The following CERS1 variants were observed in gnomAD, a reference collection of about 807,000 sequenced individuals.
The protein encoded by CERS1 is Embryonic growth/differentiation factor 1.
In CERS1, 16 loss-of-function variants were observed where a neutral mutation model predicts 35.7. The observed-to-expected ratio is 0.45, with a 90% CI of 0.30 to 0.68. The LOEUF (loss-of-function observed/expected upper bound fraction) is 0.68, where lower values mean the gene tolerates loss of function less well. Among genes scored for constraint, CERS1 ranks in the 30% least tolerant of loss-of-function variants. The pLI is 0.08. For synonymous variants in CERS1, 243 were observed against 201.6 expected (o/e 1.21, Z -1.74); for missense variants, 454 against 453.9 (o/e 1.00, Z 0.00).
At position 18,895,982 on chromosome 19, in the gene CERS1, G is replaced by A; in HGVS notation, c.91C>T (p.Leu31=). The A allele has an allele frequency of 9.5e-7, 1 of 1,048,238 alleles. No individual in the cohort carries two copies. Among genetic ancestry groups the A allele is most frequent in the Non-Finnish European group, 1.1e-6 (1 of 870,960 alleles). The allele number at this position is 1,048,238 out of a possible 1,614,324, so 64.9% of individuals were successfully genotyped here. The change falls in exon 1 of 8, where the codon CTG becomes TTG. Residue 31 remains leucine (L), a synonymous_variant. Coordinates refer to ENST00000623882, the MANE Select transcript of CERS1 (RefSeq NM_021267.5). The surrounding 1 kb of genome is among the most constrained non-coding windows in gnomAD (Gnocchi z 6.4). ...TCCGTGCAGCCCCGCGCCGCCGCCA[G>A]CGCGCTGCCCCAGCCGCGCTGCACT... ...QLVQRGWGSA[L]AAARGCTDCG... is the part of the protein sequence containing the mutation.
At position 18,880,291 on chromosome 19, in the gene CERS1, G is replaced by A. The variant is rs1489727248; in HGVS notation, c.735C>T (p.Leu245=). The part of the protein sequence containing the change: ...LHALAADLGC[L]SFGFSWFWFR... ...CCACTCACCAGCTGAAGCCGAAGCTGAGGCAGCCCAAGTCTGCTGCCAAGG... is the reference window on the plus strand; with the variant it reads ...CCACTCACCAGCTGAAGCCGAAGCTAAGGCAGCCCAAGTCTGCTGCCAAGG... Residue 245 remains leucine, a synonymous_variant, in exon 4 of 8, where the codon CTC becomes CTT. Coordinates refer to ENST00000623882, the MANE Select transcript of CERS1 (RefSeq NM_021267.5). 4 of 1,551,514 alleles carry A rather than the reference G, an allele frequency of 2.6e-6. No homozygotes were observed. Among genetic ancestry groups the A allele is most frequent in the Admixed American group, 2.0e-5 (1 of 51,102 alleles).
At chr19:18,874,459 G>A (rs1034698495) in intron 6 of CERS1, among the ~76,000 whole-genome samples, 1 of 152,158 alleles carries the variant, frequency 6.6e-6, no homozygotes, top group East Asian at 1.9e-4. Context: ...GTGAGTCACC[G>A]TGCCCAGCCC....
chr19:18,885,887 T>A (rs1229086977), intron 2 of CERS1, among the ~76,000 whole-genome samples: 3 of 152,086 alleles, frequency 2.0e-5, no homozygotes, highest in Non-Finnish European at 4.4e-5. Context: ...TCCCTGGCCC[T>A]GACAGATGCG....
chr19:18,873,171 G>C (rs1049189996), intron 6 of CERS1, among the ~76,000 whole-genome samples: 7 of 152,154 alleles, frequency 4.6e-5, no homozygotes. Context: ...GTTGACACTA[G>C]TCTATCACTA....
rs1044309700 is a variant in CERS1 at position 18,895,024 on chromosome 19, T to C, written c.249+800A>G. 6.6e-6 allele frequency among the ~76,000 whole-genome samples: 1 copy of C among 152,194 alleles called. No individual in the cohort carries two copies. Among genetic ancestry groups the C allele is most frequent in the South Asian group, 2.1e-4 (1 of 4,832 alleles). On this transcript the variant is annotated intron_variant, in intron 1 of 7. Transcript: ENST00000623882. This position sits in a 1 kb window ranked among gnomAD's most constrained non-coding sequence, Gnocchi z 6.4. ...GGGTCAGGCGCCAATGTCACCATCA[T>C]GGTCACTCTCTCGCAGGGGCGATGG...
chr19:18,892,195 G>A (rs569568837), intron 2 of CERS1, among the ~76,000 whole-genome samples: 14 of 151,858 alleles, frequency 9.2e-5, no homozygotes, highest in Admixed American at 6.6e-4. Context: ...ATCGCACCAG[G>A]CTTCATCATG....
intron 6 of CERS1, among the ~76,000 whole-genome samples, chr19:18,877,365 T>C (rs2056076988): frequency 6.6e-6 from 1 of 152,172 alleles, no homozygotes; most frequent in Non-Finnish European, 1.5e-5. Flanking sequence ...AAGAGGACCT[T>C]CCTGGTGTCT....
chr19:18,879,902 C>A (rs1352350659), intron 4 of CERS1, among the ~76,000 whole-genome samples: 1 of 151,294 alleles, frequency 6.6e-6, no homozygotes, highest in Non-Finnish European at 1.5e-5. Flanking sequence ...TCTTTCTCTG[C>A]CTAGCCCTAC....
In CERS1 at chr19:18,895,434, C is replaced by A. The variant is rs539896549; in HGVS notation, c.249+390G>T. Among the ~76,000 whole-genome samples the A allele has an allele frequency of 6.6e-6, 1 of 152,232 alleles. No individual in the cohort carries two copies. The highest frequency in any genetic ancestry group is 2.1e-4 in the South Asian group (1 of 4,832). On this transcript the variant is annotated intron_variant, in intron 1 of 7. Transcript: ENST00000623882. This position sits in a 1 kb window ranked among gnomAD's most constrained non-coding sequence, Gnocchi z 6.4. ...TCTGGCTCGGCCCTGCCGGAAAGAG[C>A]GCGCGGTGGCCGGAGCCATCCACCG...
chr19:18,873,956 C>T (rs1166547931), intron 6 of CERS1, among the ~76,000 whole-genome samples: 3 of 151,882 alleles, frequency 2.0e-5, no homozygotes, highest in Non-Finnish European at 2.9e-5. Context: ...AGATGGGGCA[C>T]AGCTGGGTTT....
Position 18,869,285 on chromosome 19 carries a change from C to G in CERS1, c.*700G>C, listed in dbSNP as rs771276786. ...CGCGAAACGCAGCTCCAGGCGGGCC[C>G]GGCTCGGGCGCTCAGCGGGTTCCAC... On this transcript the variant is annotated 3_prime_UTR_variant, in exon 8 of 8. Transcript: ENST00000623882. 3.3e-6 allele frequency: 5 copies of G among 1,504,740 alleles called. No homozygotes were observed. The Admixed American group carries it at 1.0e-4, about 31-fold the overall frequency. 93.2% of individuals were successfully genotyped at this position (1,504,740 alleles called of 1,614,324 possible).
rs143416454 is a variant in CERS1 at position 18,885,517 on chromosome 19, T to TGTTTTG, written c.410-1251_410-1250insCAAAAC. Among the ~76,000 whole-genome samples the TGTTTTG allele has an allele frequency of 2.2e-5, 3 of 137,542 alleles. 1 individual carries two copies. The highest frequency in any genetic ancestry group is 3.1e-5 in the Non-Finnish European group (2 of 64,708). The allele number at this position is 137,542 out of a possible 152,430, so 90.2% of individuals were successfully genotyped here. On this transcript the variant is annotated intron_variant, in intron 2 of 7. Coordinates refer to ENST00000623882, the MANE Select transcript of CERS1 (RefSeq NM_021267.5). Reference sequence around the variant, plus strand: ...CAGCCCAGCGCCCCTTCTCGTTTTTTTTTTTTTTTTTTTTTTTTTTGAGAT... The same window carrying TGTTTTG: ...CAGCCCAGCGCCCCTTCTCGTTTTTTGTTTTGTTTTTTTTTTTTTTTTTTTTGAGAT...
intron 2 of CERS1, among the ~76,000 whole-genome samples, chr19:18,888,224 T>C (rs1264870867): frequency 6.6e-6 from 1 of 151,298 alleles, no homozygotes; most frequent in African/African-American, 2.4e-5. Context: ...CCAGACATGG[T>C]GATACACACC....
At chr19:18,872,697 G>GTATATT (rs374639707) in intron 6 of CERS1, among the ~76,000 whole-genome samples, 69,526 of 151,790 alleles carry the variant, frequency 0.46, 16,135 homozygotes, top group South Asian at 0.6. Context: ...TGTATTTTTA[G>GTATATT]TAGAGATGCG....
At chr19:18,886,174 G>C (rs2056353480) in intron 2 of CERS1, among the ~76,000 whole-genome samples, 1 of 150,920 alleles carries the variant, frequency 6.6e-6, no homozygotes, top group Non-Finnish European at 1.5e-5. Context: ...GAGAGGCCGA[G>C]GCAGGAGAGT....
At chr19:18,875,783 A>G (rs2056050292) in intron 6 of CERS1, among the ~76,000 whole-genome samples, 1 of 152,162 alleles carries the variant, frequency 6.6e-6, no homozygotes, top group Admixed American at 6.6e-5. Flanking sequence ...GAGAAGAGAG[A>G]CAGAAAAGAA....
In CERS1 at chr19:18,878,028, GA is replaced by G; in HGVS notation, c.1010+901del. The G allele has an allele frequency of 1.0e-6, 1 of 985,470 alleles. No individual in the cohort carries two copies. The highest frequency in any genetic ancestry group is 1.1e-4 in the East Asian group (1 of 8,802). The allele number at this position is 985,470 out of a possible 1,614,324, so 61.0% of individuals were successfully genotyped here. On this transcript the variant is annotated intron_variant, in intron 6 of 7. Transcript: ENST00000623882. This position sits in a 1 kb window ranked among gnomAD's most constrained non-coding sequence, Gnocchi z 4.6. ...GCTCCTCTGCCTGGCTACAGCCCCG[GA>G]TGTGTTAAATGTCTGCATCTCGCAC...
intron 6 of CERS1, among the ~76,000 whole-genome samples, chr19:18,871,094 CTTT>C (rs760333836): frequency 1.4e-5 from 2 of 145,098 alleles, no homozygotes; most frequent in Admixed American, 6.9e-5. Context: ...TTTTATTTTC[CTTT>C]TTTTTTTTTG....
At chr19:18,891,743 A>G (rs1219726686) in intron 2 of CERS1, among the ~76,000 whole-genome samples, 4 of 151,116 alleles carry the variant, frequency 2.6e-5, no homozygotes, top group Non-Finnish European at 5.9e-5. Flanking sequence ...ATACCAGGCT[A>G]ATTTTTTGTA....
Sources: allele counts gnomAD v4.1 joint callset (sites outside exome capture counted in the v4.1 genomes callset), GRCh38; gene constraint gnomAD v4.1.1; non-coding constraint Gnocchi (gnomAD v3.1); transcripts MANE v1.5; gene names NCBI Gene and HGNC (gene_info 2026-07-23, HGNC 2026-07-21).